BRAP: variants seen among roughly 807,000 people sequenced by gnomAD.
BRAP encodes the protein BRCA1-associated protein.
BRAP carries 42 observed loss-of-function variants against 73.4 expected under a neutral mutation model. The ratio of observed to expected loss-of-function variants is 0.57; its 90% confidence interval spans 0.45 to 0.74. The LOEUF is 0.74. BRAP is among the 30% of genes least tolerant of loss of function. The probability of loss-of-function intolerance (pLI) is 0.00; values close to 1 mark genes in which losing one functional copy is unlikely to be tolerated. For missense variants in BRAP, 593 were observed against 751.4 expected, an observed-to-expected ratio of 0.79 and a Z score of 2.46; for synonymous variants, 255 against 267.4, an observed-to-expected ratio of 0.95 and a Z score of 0.45.
chr12:111,661,826 C>G (rs1443277868), intron 6 of BRAP, among the ~76,000 whole-genome samples: 1 of 151,944 alleles, frequency 6.6e-6, no homozygotes, highest in Non-Finnish European at 1.5e-5. Flanking sequence ...ATTCTCCTGC[C>G]TCAGCCTCCC....
intron 5 of BRAP, among the ~76,000 whole-genome samples, chr12:111,672,370 T>A (rs559270084): frequency 2.6e-5 from 4 of 152,316 alleles, no homozygotes; most frequent in African/African-American, 9.6e-5. Context: ...AAATGAGATA[T>A]TCAATAAAAT....
At position 111,681,824 on chromosome 12, in the gene BRAP, T is replaced by C. The variant is rs960025463; in HGVS notation, c.256A>G (p.Thr86Ala). The C allele has an allele frequency of 6.2e-7, 1 of 1,609,256 alleles. No individual in the cohort carries two copies. Among genetic ancestry groups the C allele is most frequent in the African/African-American group, 1.3e-5 (1 of 74,594 alleles). The change falls in exon 3 of 12, where the codon ACT (threonine) becomes GCT (alanine). Residue 86 changes from threonine (T) to alanine (A), a missense_variant. This residue lies in a region of BRAP where 304 missense variants were observed against 337.7 expected (regional missense o/e 0.90). Transcript: ENST00000419234. The stretch of plus-strand genomic sequence containing the variant: ...GAAGACTTCCTTTCTTCCACTGTAG[T>C]TTTTAGTTCATCTTTCACCAGTTAA... Reference protein sequence around the residue: ...TMKSNPDELKTTVEERKSSEA... With the variant: ...TMKSNPDELKATVEERKSSEA...
At chr12:111,654,679 A>G (rs1393986165) in intron 10 of BRAP, among the ~76,000 whole-genome samples, 1 of 152,202 alleles carries the variant, frequency 6.6e-6, no homozygotes, top group African/African-American at 2.4e-5. Context: ...GCATATCCAG[A>G]AACTGGGGCC....
At chr12:111,684,099 A>G (rs930960729) in intron 1 of BRAP, among the ~76,000 whole-genome samples, 7 of 152,202 alleles carry the variant, frequency 4.6e-5, no homozygotes, top group Non-Finnish European at 1.0e-4. Flanking sequence ...TCAATGAAAC[A>G]CATGAAAAGG....
chr12:111,672,649 A>T lies in BRAP; in HGVS notation c.747+12T>A. 6.3e-7 allele frequency: 1 copy of T among 1,598,382 alleles called. No homozygotes were observed. Among genetic ancestry groups the T allele is most frequent in the African/African-American group, 1.3e-5 (1 of 74,554 alleles). On this transcript the variant is annotated intron_variant, in intron 5 of 11. Transcript: ENST00000419234. ...TATATTTTAATTAAATATAGGAACA[A>T]TTCACACTTACATCTTCAGATTTGA...
At chr12:111,681,602 ATTGACTAACCCCC>A in intron 3 of BRAP, 22 bp downstream of exon 3, 1 of 1,476,278 alleles carries the variant, frequency 6.8e-7, no homozygotes, top group Non-Finnish European at 9.2e-7. Context: ...AAAAAAAAAA[ATTGACTAACCCCC>A]AAGAAAAGAG....
chr12:111,662,006 G>A (rs1886773877), intron 6 of BRAP, among the ~76,000 whole-genome samples: 1 of 152,188 alleles, frequency 6.6e-6, no homozygotes, highest in Non-Finnish European at 1.5e-5. Flanking sequence ...TTATTGAAAT[G>A]CACATGATAT....
chr12:111,651,404 G>A (rs1320523596), intron 10 of BRAP, among the ~76,000 whole-genome samples: 1 of 151,730 alleles, frequency 6.6e-6, no homozygotes, highest in Non-Finnish European at 1.5e-5. Flanking sequence ...CGGGCACAGT[G>A]GCAGGCGCCT....
At chr12:111,648,264 C>T (rs1275103834) in intron 11 of BRAP, among the ~76,000 whole-genome samples, 1 of 147,064 alleles carries the variant, frequency 6.8e-6, no homozygotes, top group East Asian at 2.0e-4. Flanking sequence ...CTCCACTGTA[C>T]TCCAGCCTAT....
intron 1 of BRAP, 122 bp downstream of exon 1, chr12:111,685,589 T>TC (rs1203246061): frequency 1.6e-5 from 22 of 1,382,428 alleles, no homozygotes; most frequent in Non-Finnish European, 2.1e-5. Flanking sequence ...CCCGATTACC[T>TC]CTCCGTGTCT....
chr12:111,669,679 A>C (rs1385702461), intron 5 of BRAP, among the ~76,000 whole-genome samples: 1 of 152,166 alleles, frequency 6.6e-6, no homozygotes, highest in Non-Finnish European at 1.5e-5. Context: ...ATAAAACATA[A>C]ATTACCTCTA....
At chr12:111,644,927 T>C (rs899024530) in intron 11 of BRAP, among the ~76,000 whole-genome samples, 3 of 151,488 alleles carry the variant, frequency 2.0e-5, no homozygotes, top group Non-Finnish European at 2.9e-5. Context: ...TGGCTAATTT[T>C]TGTATTTTGA....
intron 5 of BRAP, chr12:111,669,857 T>C: frequency 1.6e-6 from 1 of 644,160 alleles, no homozygotes; most frequent in Non-Finnish European, 2.7e-6. Context: ...CGTTTAATTG[T>C]CTTGGTCATT....
In BRAP at chr12:111,658,767, T is replaced by G. The variant is rs760739625; in HGVS notation, c.1190A>C (p.Gln397Pro). 1 of 1,610,984 alleles carries G rather than the reference T, an allele frequency of 6.2e-7. No homozygotes were observed. Residue 397 changes from glutamine to proline, a missense_variant, in exon 9 of 12, where the codon CAG (glutamine) becomes CCG (proline). Coordinates refer to ENST00000419234, the MANE Select transcript of BRAP (RefSeq NM_006768.5). ...VQYECEGDTC[Q>P]EEKIDALQLE... ...CTGTAAGGCATCTATTTTCTCTTCCTGGCAAGTATCCCCCTCACATTCATA... is the reference window on the plus strand; with the variant it reads ...CTGTAAGGCATCTATTTTCTCTTCCGGGCAAGTATCCCCCTCACATTCATA...
Position 111,652,409 on chromosome 12 carries a change from C to T in BRAP, c.1312-2367G>A, listed in dbSNP as rs943574297. Reference sequence around the variant, plus strand: ...CAGCTAATTTTTTGTATTTTTAGTACAGACGGGGTTTCTCTGTGTTAGCCA... The same window carrying T: ...CAGCTAATTTTTTGTATTTTTAGTATAGACGGGGTTTCTCTGTGTTAGCCA... On this transcript the variant is annotated intron_variant, in intron 10 of 11. Coordinates refer to ENST00000419234, the MANE Select transcript of BRAP (RefSeq NM_006768.5). Among the ~76,000 whole-genome samples the T allele has an allele frequency of 2.0e-5, 3 of 152,066 alleles. No individual in the cohort carries two copies. In the East Asian group the frequency reaches 5.8e-4, roughly 30 times the overall value.
In BRAP at chr12:111,644,580, A is replaced by C. The variant is rs747947817; in HGVS notation, c.1416-18T>G. On this transcript the variant is annotated intron_variant, in intron 11 of 11. Transcript: ENST00000419234. Reference sequence around the variant, plus strand: ...GAGTGCACCTTTTGAAAAACAAAGGAAGACAAAAGCACATTTTTCATTTGC... The same window carrying C: ...GAGTGCACCTTTTGAAAAACAAAGGCAGACAAAAGCACATTTTTCATTTGC... 3.7e-6 allele frequency: 6 copies of C among 1,607,308 alleles called. No homozygotes were observed. The East Asian group carries it at 1.1e-4, about 30-fold the overall frequency.
At chr12:111,669,202 T>C (rs1232144778) in intron 5 of BRAP, among the ~76,000 whole-genome samples, 1 of 152,094 alleles carries the variant, frequency 6.6e-6, no homozygotes. Flanking sequence ...CTTACAGTTT[T>C]AAACAGACAA....
Position 111,685,733 on chromosome 12 carries a change from G to C in BRAP, c.60C>G (p.Ala20=). 6.2e-7 allele frequency: 1 copy of C among 1,609,268 alleles called. No homozygotes were observed. Among genetic ancestry groups the C allele is most frequent in the Non-Finnish European group, 8.5e-7 (1 of 1,178,708 alleles). ...CACCCGCGGCGCTGAAGCCGAAGCC[G>C]GCGGGGACAGGCGAGTGTTCCGCGA... is the stretch of plus-strand genomic sequence containing the variant. The part of the protein sequence containing the change: ...LELAEHSPVP[A]GFGFSAAAGE... The change falls in exon 1 of 12, where the codon GCC becomes GCG. Residue 20 remains alanine (A), a synonymous_variant. Coordinates refer to ENST00000419234, the MANE Select transcript of BRAP (RefSeq NM_006768.5).
In BRAP at chr12:111,672,654, CACTT is replaced by C. The variant is rs2135922444; in HGVS notation, c.747+3_747+6del. On this transcript the variant is annotated splice_donor_5th_base_variant and intron_variant, in intron 5 of 11. Transcript: ENST00000419234. ...TTTAATTAAATATAGGAACAATTCA[CACTT>C]ACATCTTCAGATTTGAGCACTTCAG... 6.2e-7 allele frequency: 1 copy of C among 1,602,610 alleles called. No individual in the cohort carries two copies. Among genetic ancestry groups the C allele is most frequent in the Non-Finnish European group, 8.5e-7 (1 of 1,171,240 alleles).
Sources: allele counts gnomAD v4.1 joint callset (sites outside exome capture counted in the v4.1 genomes callset), GRCh38; gene constraint gnomAD v4.1.1; regional missense constraint gnomAD v4.1.1; transcripts MANE v1.5; gene names NCBI Gene and HGNC (gene_info 2026-07-23, HGNC 2026-07-21).